L3MBTL4: variants seen among roughly 807,000 people sequenced by gnomAD.
L3MBTL4 encodes the protein L3MBTL histone methyl-lysine binding protein 4, also known as lethal(3)malignant brain tumor-like protein 4.
Under a neutral mutation model 84.5 loss-of-function variants are expected in L3MBTL4, and 70 were observed. The observed-to-expected ratio is 0.83, with a 90% CI of 0.68 to 1.01. The LOEUF (loss-of-function observed/expected upper bound fraction) is 1.01, where lower values mean the gene tolerates loss of function less well. L3MBTL4 is among the 50% of genes least tolerant of loss of function. The pLI, the probability that L3MBTL4 is intolerant of heterozygous loss-of-function variation, is 0.00. For missense variants in L3MBTL4, 715 were observed against 754.8 expected, an observed-to-expected ratio of 0.95 and a Z score of 0.62; for synonymous variants, 274 against 259.8, an observed-to-expected ratio of 1.05 and a Z score of -0.52.
chr18:5,978,924 A>T (rs539562439), intron 16 of L3MBTL4, among the ~76,000 whole-genome samples: 78 of 152,250 alleles, frequency 5.1e-4, no homozygotes, highest in Admixed American at 2.2e-3. Context: ...CAGGGGAACG[A>T]ATATAAGCTA....
chr18:6,185,960 C>CTATTTATTTTATTTTA (rs976327212), intron 12 of L3MBTL4, among the ~76,000 whole-genome samples: 1 of 145,786 alleles, frequency 6.9e-6, no homozygotes, highest in African/African-American at 2.7e-5. Flanking sequence ...AGGGCACTTT[C>CTATTTATTTTATTTTA]TTTATTTTAT....
intron 15 of L3MBTL4, among the ~76,000 whole-genome samples, chr18:6,085,486 A>G (rs1284023648): frequency 6.6e-6 from 1 of 152,226 alleles, no homozygotes; most frequent in East Asian, 1.9e-4. Flanking sequence ...TGTAATCCTT[A>G]TAATCCCCAT....
intron 5 of L3MBTL4, among the ~76,000 whole-genome samples, chr18:6,249,556 C>A (rs1196382951): frequency 6.6e-6 from 1 of 152,104 alleles, no homozygotes; most frequent in East Asian, 1.9e-4. Flanking sequence ...CTCAGCATTT[C>A]TTGGAGGGTT....
At chr18:6,323,967 C>T (rs186754611) in intron 1 of L3MBTL4, among the ~76,000 whole-genome samples, 13 of 149,102 alleles carry the variant, frequency 8.7e-5, no homozygotes, top group Admixed American at 4.7e-4. Context: ...TGGTTTTGTG[C>T]GTCACACCCA....
At chr18:6,376,904 C>T (rs1309245214) in intron 1 of L3MBTL4, among the ~76,000 whole-genome samples, 1 of 152,142 alleles carries the variant, frequency 6.6e-6, no homozygotes, top group Non-Finnish European at 1.5e-5. Flanking sequence ...CCTCTCCTGC[C>T]CTCACACTGA....
intron 5 of L3MBTL4, among the ~76,000 whole-genome samples, chr18:6,250,806 C>T (rs2047891088): frequency 6.6e-6 from 1 of 152,178 alleles, no homozygotes; most frequent in Admixed American, 6.5e-5. Flanking sequence ...ATGACAAAAA[C>T]AAAATTTCTT....
chr18:6,152,640 A>C (rs980610119), intron 13 of L3MBTL4, among the ~76,000 whole-genome samples: 5 of 152,136 alleles, frequency 3.3e-5, no homozygotes, highest in Non-Finnish European at 5.9e-5. Flanking sequence ...CCTTATATAC[A>C]TGGAGATAAC....
chr18:5,974,983 T>TAAAA (rs144190216), intron 16 of L3MBTL4, among the ~76,000 whole-genome samples: 5 of 151,074 alleles, frequency 3.3e-5, no homozygotes, highest in African/African-American at 1.2e-4. Flanking sequence ...TTTTTTTTTT[T>TAAAA]AAAAAGAGGA....
intron 1 of L3MBTL4, among the ~76,000 whole-genome samples, chr18:6,410,270 G>C (rs1359749492): frequency 1.3e-5 from 2 of 152,222 alleles, no homozygotes; most frequent in African/African-American, 4.8e-5. Context: ...CTGGCTAGCA[G>C]ATACTCATCC....
At chr18:6,063,423 T>C (rs1487241245) in intron 16 of L3MBTL4, among the ~76,000 whole-genome samples, 1 of 151,730 alleles carries the variant, frequency 6.6e-6, no homozygotes, top group East Asian at 1.9e-4. Context: ...CTACTTTTAG[T>C]TCTTTAAAGA....
intron 12 of L3MBTL4, among the ~76,000 whole-genome samples, chr18:6,179,448 T>G (rs2044368757): frequency 6.6e-6 from 1 of 152,222 alleles, no homozygotes; most frequent in African/African-American, 2.4e-5. Context: ...TTATAGTTCA[T>G]CTTACTTCCT....
intron 4 of L3MBTL4, among the ~76,000 whole-genome samples, chr18:6,282,018 C>T (rs1485283487): frequency 6.6e-6 from 1 of 152,186 alleles, no homozygotes; most frequent in Non-Finnish European, 1.5e-5. Context: ...CTATCACATT[C>T]CTGCTGAAAG....
chr18:5,975,898 C>T (rs554079102), intron 16 of L3MBTL4, among the ~76,000 whole-genome samples: 92 of 152,280 alleles, frequency 6.0e-4, no homozygotes, highest in African/African-American at 2.1e-3. Flanking sequence ...TTCTCATACC[C>T]TTATTATCCA....
chr18:6,129,674 G>C (rs575417826), intron 14 of L3MBTL4, among the ~76,000 whole-genome samples: 1 of 152,138 alleles, frequency 6.6e-6, no homozygotes, highest in African/African-American at 2.4e-5. Flanking sequence ...AAGTGCTAGA[G>C]TGATAGTTAT....
intron 1 of L3MBTL4, among the ~76,000 whole-genome samples, chr18:6,366,610 T>G (rs1032738721): frequency 6.6e-6 from 1 of 152,226 alleles, no homozygotes; most frequent in Non-Finnish European, 1.5e-5. Context: ...TACATATCTC[T>G]ATTAGTATTG....
At chr18:5,993,796 A>G (rs560401491) in intron 16 of L3MBTL4, among the ~76,000 whole-genome samples, 1 of 152,374 alleles carries the variant, frequency 6.6e-6, no homozygotes, top group South Asian at 2.1e-4. Context: ...ACACAATGTG[A>G]ATAGATACTG....
At chr18:6,037,336 C>T (rs188293679) in intron 16 of L3MBTL4, among the ~76,000 whole-genome samples, 1 of 152,294 alleles carries the variant, frequency 6.6e-6, no homozygotes, top group African/African-American at 2.4e-5. Flanking sequence ...TATTTATTGT[C>T]CAAGCAAGCC....
chr18:6,191,282 A>T (rs745525734), intron 12 of L3MBTL4, among the ~76,000 whole-genome samples: 34 of 152,214 alleles, frequency 2.2e-4, no homozygotes, highest in Non-Finnish European at 4.3e-4. Context: ...GGACTATAGC[A>T]GTATCAACAG....
At chr18:6,363,841 AC>A (rs1463132994) in intron 1 of L3MBTL4, among the ~76,000 whole-genome samples, 4 of 152,152 alleles carry the variant, frequency 2.6e-5, no homozygotes, top group Admixed American at 6.5e-5. Flanking sequence ...CAAAGTTATT[AC>A]ATGCTTAATT....
Sources: gnomAD v4.1 joint callset for allele counts (sites outside exome capture counted in the v4.1 genomes callset) on GRCh38, gnomAD v4.1.1 for gene constraint, MANE v1.5 for transcripts, NCBI Gene and HGNC (gene_info 2026-07-23, HGNC 2026-07-21) for gene names.